The following SLC4A10 variants were observed in gnomAD, a reference collection of about 807,000 sequenced individuals.
SLC4A10 encodes solute carrier family 4 member 10.
SLC4A10 carries 42 observed loss-of-function variants against 137.7 expected under a neutral mutation model. That is an observed-to-expected ratio of 0.30 (90% CI 0.24 to 0.39). SLC4A10 has a LOEUF of 0.39. Ranked by LOEUF, SLC4A10 falls within the 10% of genes least tolerant of loss-of-function variation. The pLI is 1.00. For missense variants in SLC4A10, 925 were observed against 1,355.0 expected (o/e 0.68, Z 4.98); for synonymous variants, 474 against 464.1 (o/e 1.02, Z -0.27).
rs550770224 is a variant in SLC4A10 at position 161,641,777 on chromosome 2, G to A, written c.48+17211G>A. Among the ~76,000 whole-genome samples the A allele has an allele frequency of 2.6e-5, 4 of 151,952 alleles. No individual in the cohort carries two copies. The East Asian group carries it at 5.8e-4, about 22-fold the overall frequency. On this transcript the variant is annotated intron_variant, in intron 1 of 26. Transcript: ENST00000446997. ...AGTAAAGACCATTTGTGTAATATAA[G>A]GTAATATAATATTTTGCTAAATCTT...
intron 15 of SLC4A10, among the ~76,000 whole-genome samples, chr2:161,917,577 A>T (rs958844080): frequency 2.4e-3 from 278 of 116,744 alleles, no homozygotes; most frequent in African/African-American, 8.4e-3. Flanking sequence ...GACCCTGTCT[A>T]AAAAAAAAAA....
At chr2:161,650,343 T>A (rs896000750) in intron 1 of SLC4A10, among the ~76,000 whole-genome samples, 2 of 152,222 alleles carry the variant, frequency 1.3e-5, no homozygotes, top group Non-Finnish European at 2.9e-5. Context: ...AGGTGGTGTG[T>A]TACATGATAA....
rs759310135 is a variant in SLC4A10 at position 161,900,973 on chromosome 2, C to A, written c.1404C>A (p.His468Gln). 1 of 1,568,944 alleles carries A rather than the reference C, an allele frequency of 6.4e-7. No homozygotes were observed. Among genetic ancestry groups the A allele is most frequent in the Non-Finnish European group, 8.6e-7 (1 of 1,156,308 alleles). ...GTAAHGEAEPHGGHSGPELQR... is the reference protein window; with the variant it reads ...GTAAHGEAEPQGGHSGPELQR... ...CAGCTCATGGGGAAGCAGAGCCCCA[C>A]GGAGGACATAGTGGACCTGAACTCC... Residue 468 changes from histidine to glutamine, a missense_variant, in exon 12 of 27, where the codon CAC (histidine) becomes CAA (glutamine). Around this residue, in one of 11 missense-constraint regions of SLC4A10, gnomAD observed 61 missense variants for 59.0 expected, o/e 1.03. Transcript: ENST00000446997.
intron 1 of SLC4A10, among the ~76,000 whole-genome samples, chr2:161,732,797 A>G (rs374823625): frequency 4.1e-4 from 62 of 152,308 alleles, no homozygotes; most frequent in African/African-American, 1.4e-3. Context: ...AATATAGACA[A>G]TAAGGTCCAG....
chr2:161,783,109 A>G (rs997345225), intron 2 of SLC4A10, among the ~76,000 whole-genome samples: 17 of 152,044 alleles, frequency 1.1e-4, no homozygotes, highest in African/African-American at 3.6e-4. Flanking sequence ...GGTACAAGGG[A>G]AATTTCATAA....
intron 3 of SLC4A10, 24 bp downstream of exon 3, chr2:161,804,619 T>C: frequency 6.3e-7 from 1 of 1,580,250 alleles, no homozygotes; most frequent in Non-Finnish European, 8.6e-7. Flanking sequence ...TCCTTGTTTT[T>C]ATTAAGTTAA....
chr2:161,851,796 T>C (rs1432092707), intron 4 of SLC4A10, among the ~76,000 whole-genome samples: 2 of 152,208 alleles, frequency 1.3e-5, no homozygotes, highest in Non-Finnish European at 2.9e-5. Flanking sequence ...TACACTTAAG[T>C]AGTTAAGAAA....
chr2:161,671,803 AC>A (rs2039759823), intron 1 of SLC4A10, among the ~76,000 whole-genome samples: 1 of 152,222 alleles, frequency 6.6e-6, no homozygotes, highest in African/African-American at 2.4e-5. Context: ...AGTGCTAGGT[AC>A]TAGAGGAGAC....
chr2:161,935,039 T>G (rs1184949007), intron 15 of SLC4A10, among the ~76,000 whole-genome samples: 2 of 152,176 alleles, frequency 1.3e-5, no homozygotes, highest in Non-Finnish European at 2.9e-5. Context: ...TATAGTGGTT[T>G]TAGGTATTTA....
At chr2:161,677,560 A>G (rs1430474603) in intron 1 of SLC4A10, among the ~76,000 whole-genome samples, 1 of 152,212 alleles carries the variant, frequency 6.6e-6, no homozygotes, top group Non-Finnish European at 1.5e-5. Flanking sequence ...TATTCAGTTC[A>G]TTATGGATTG....
intron 21 of SLC4A10, among the ~76,000 whole-genome samples, chr2:161,960,190 C>T (rs1269902692): frequency 6.6e-6 from 1 of 151,384 alleles, no homozygotes; most frequent in Non-Finnish European, 1.5e-5. Context: ...ATGGTGAAAC[C>T]CCATCTCTAC....
intron 3 of SLC4A10, among the ~76,000 whole-genome samples, chr2:161,816,663 T>G (rs2057098872): frequency 7.9e-6 from 1 of 125,820 alleles, no homozygotes; most frequent in African/African-American, 2.9e-5. Context: ...CAGTGTGTGA[T>G]GTTCCCCTTC....
intron 5 of SLC4A10, among the ~76,000 whole-genome samples, chr2:161,858,449 A>C (rs1057089236): frequency 6.6e-6 from 1 of 152,206 alleles, no homozygotes; most frequent in Admixed American, 6.5e-5. Flanking sequence ...CTTTTGGCTA[A>C]GTTAATTTAA....
intron 1 of SLC4A10, among the ~76,000 whole-genome samples, chr2:161,624,811 G>A (rs1287228095): frequency 2.0e-5 from 3 of 151,910 alleles, no homozygotes; most frequent in African/African-American, 7.3e-5. Flanking sequence ...GTTTGCTGCT[G>A]TTTGAAGAAA....
chr2:161,904,242 A>T, intron 13 of SLC4A10, 64 bp downstream of exon 13: 1 of 1,476,104 alleles, frequency 6.8e-7, no homozygotes, highest in South Asian at 1.3e-5. Flanking sequence ...ATAGTTAGAT[A>T]AGTGAGCATT....
In SLC4A10 at chr2:161,808,826, C is replaced by T. The variant is rs117220319; in HGVS notation, c.277+4231C>T. On this transcript the variant is annotated intron_variant, in intron 3 of 26. Coordinates refer to ENST00000446997, the MANE Select transcript of SLC4A10 (RefSeq NM_001178015.2). Reference sequence around the variant, plus strand: ...TTCATCCACTTTACCATAAGGAAACCTAGTTGATTCCATGTCTTTGCTATG... The same window carrying T: ...TTCATCCACTTTACCATAAGGAAACTTAGTTGATTCCATGTCTTTGCTATG... Among the ~76,000 whole-genome samples, 1,894 of 151,966 alleles carry T rather than the reference C, an allele frequency of 0.012. 84 individuals are homozygous for T. In the East Asian group the frequency reaches 0.13, roughly 10 times the overall value.
chr2:161,625,204 A>G (rs2032056207), intron 1 of SLC4A10, among the ~76,000 whole-genome samples: 1 of 151,924 alleles, frequency 6.6e-6, no homozygotes, highest in South Asian at 2.1e-4. Flanking sequence ...AGATGTGAAT[A>G]TTAGAAAGGT....
At chr2:161,960,188 A>T (rs1049955646) in intron 21 of SLC4A10, among the ~76,000 whole-genome samples, 28 of 151,548 alleles carry the variant, frequency 1.8e-4, no homozygotes, top group Admixed American at 1.8e-3. Flanking sequence ...GCATGGTGAA[A>T]CCCCATCTCT....
chr2:161,692,020 C>T (rs1309585936), intron 1 of SLC4A10, among the ~76,000 whole-genome samples: 2 of 151,806 alleles, frequency 1.3e-5, no homozygotes, highest in African/African-American at 2.4e-5. Context: ...TAACATGGAG[C>T]TTTAGAGGAC....
Sources: allele counts gnomAD v4.1 joint callset (sites outside exome capture counted in the v4.1 genomes callset), GRCh38; gene constraint gnomAD v4.1.1; regional missense constraint gnomAD v4.1.1; transcripts MANE v1.5; gene names NCBI Gene and HGNC (gene_info 2026-07-23, HGNC 2026-07-21).